CENPC: variants seen among roughly 807,000 people sequenced by gnomAD.
CENPC encodes the protein centromere protein C, also known as CENP-C 1.
A neutral mutation model predicts 112.1 loss-of-function variants in CENPC; 63 were observed. The observed-to-expected ratio is 0.56, with a 90% CI of 0.46 to 0.69. The LOEUF (loss-of-function observed/expected upper bound fraction) is 0.69, where lower values mean the gene tolerates loss of function less well. Ranked by LOEUF, CENPC falls within the 30% of genes least tolerant of loss-of-function variation. The probability of loss-of-function intolerance (pLI) is 0.00; values close to 1 mark genes in which losing one functional copy is unlikely to be tolerated. For synonymous variants in CENPC, 333 were observed against 367.6 expected, an observed-to-expected ratio of 0.91 and a Z score of 1.08; for missense variants, 1,000 against 1,103.8, an observed-to-expected ratio of 0.91 and a Z score of 1.33.
At chr4:67,528,034 A>T (rs1401508735) in intron 5 of CENPC, among the ~76,000 whole-genome samples, 2 of 152,162 alleles carry the variant, frequency 1.3e-5, no homozygotes, top group South Asian at 4.1e-4. Context: ...ATCAGATTAA[A>T]CATAACAAAT....
chr4:67,499,632 G>A (rs943831164), intron 12 of CENPC, among the ~76,000 whole-genome samples: 3 of 152,168 alleles, frequency 2.0e-5, no homozygotes, highest in Non-Finnish European at 4.4e-5. Context: ...CCAGACCACT[G>A]AAACCTCTAT....
intron 13 of CENPC, among the ~76,000 whole-genome samples, chr4:67,494,760 T>C (rs1402100319): frequency 6.6e-6 from 1 of 152,208 alleles, no homozygotes. Flanking sequence ...CCACAGTTCT[T>C]AGCTTTGTCT....
chr4:67,490,030 A>G lies in CENPC; in HGVS notation c.2607T>C (p.Thr869=). ...YKTLDTPFFS[T]GKLILGPQEE... ...CTTGTGGTCCTAATATCAATTTCCCAGTAGAAAAAAAGGGTGTATCCAATG... is the reference window on the plus strand; with the variant it reads ...CTTGTGGTCCTAATATCAATTTCCCGGTAGAAAAAAAGGGTGTATCCAATG... The change falls in exon 17 of 19, where the codon ACT becomes ACC. Residue 869 remains threonine (T), a synonymous_variant. Transcript: ENST00000273853. 6 of 1,606,122 alleles carry G rather than the reference A, an allele frequency of 3.7e-6. No homozygotes were observed. Among genetic ancestry groups the G allele is most frequent in the Non-Finnish European group, 4.3e-6 (5 of 1,176,068 alleles).
Position 67,505,210 on chromosome 4 carries a change from C to T in CENPC, c.2126G>A (p.Ser709Asn), listed in dbSNP as rs778586358. ...GAAAAAAAACAATAGTTTACCTGAACTTCCATGAACTTCCTCATCATCCAC... is the reference window on the plus strand; with the variant it reads ...GAAAAAAAACAATAGTTTACCTGAATTTCCATGAACTTCCTCATCATCCAC... Reference protein sequence around the residue: ...NDVDDEEVHGSSDDSKQSKVI... With the variant: ...NDVDDEEVHGNSDDSKQSKVI... Residue 709 changes from serine to asparagine, a missense_variant, in exon 12 of 19, where the codon AGT becomes AAT. Transcript: ENST00000273853. 3.2e-6 allele frequency: 5 copies of T among 1,570,924 alleles called. No homozygotes were observed. Among genetic ancestry groups the T allele is most frequent in the Admixed American group, 1.9e-5 (1 of 53,870 alleles).
chr4:67,528,361 G>A (rs1378907227), intron 5 of CENPC, among the ~76,000 whole-genome samples: 3 of 152,068 alleles, frequency 2.0e-5, no homozygotes, highest in African/African-American at 4.8e-5. Flanking sequence ...CCATTTATGA[G>A]TGTACAATTT....
intron 18 of CENPC, among the ~76,000 whole-genome samples, chr4:67,473,950 C>T (rs1455820872): frequency 2.0e-5 from 3 of 152,160 alleles, no homozygotes; most frequent in African/African-American, 7.2e-5. Context: ...ATGAAGCATA[C>T]CATTCTTGAA....
chr4:67,536,144 A>T (rs1309018012), intron 4 of CENPC, among the ~76,000 whole-genome samples: 2 of 152,210 alleles, frequency 1.3e-5, no homozygotes, highest in Non-Finnish European at 2.9e-5. Context: ...CAGATAATTT[A>T]AAAAGGTGAA....
chr4:67,491,993 T>G (rs1283114057), intron 16 of CENPC, among the ~76,000 whole-genome samples, 187 bp downstream of exon 16: 2 of 152,196 alleles, frequency 1.3e-5, no homozygotes, highest in Non-Finnish European at 2.9e-5. Context: ...CCCCTGGAGC[T>G]GTCTGATATC....
chr4:67,490,841 T>A (rs867731758), intron 16 of CENPC, among the ~76,000 whole-genome samples: 150 of 5,930 alleles, frequency 0.025, no homozygotes, highest in East Asian at 0.089. Context: ...GAAATAAATA[T>A]ATATATATAT....
rs34160703 is a variant in CENPC, at chr4:67,508,513, T to TAAAAAA, written c.1904+295_1904+300dup. 7.8e-4 allele frequency among the ~76,000 whole-genome samples: 71 copies of TAAAAAA among 91,146 alleles called. 3 individuals carry two copies. The highest frequency in any genetic ancestry group is 2.6e-3 in the African/African-American group (61 of 23,192). 59.8% of individuals were successfully genotyped at this position (91,146 alleles called of 152,430 possible). ...GGAAACAGAGGAAGACTCTGTCTCT[T>TAAAAAA]AAAAAAAAAAAAAAAAAAAAAAAGT... On this transcript the variant is annotated intron_variant, in intron 10 of 18. Coordinates refer to ENST00000273853, the MANE Select transcript of CENPC (RefSeq NM_001812.4).
At chr4:67,479,695 C>G (rs1408610933) in intron 17 of CENPC, among the ~76,000 whole-genome samples, 2 of 152,040 alleles carry the variant, frequency 1.3e-5, no homozygotes, top group Non-Finnish European at 2.9e-5. Context: ...AAACCTAAAC[C>G]CAGCAGATGA....
intron 5 of CENPC, among the ~76,000 whole-genome samples, chr4:67,529,250 T>C (rs1233100302): frequency 1.3e-5 from 2 of 152,244 alleles, no homozygotes; most frequent in African/African-American, 4.8e-5. Flanking sequence ...CCTTTTCAGG[T>C]AAATTATTTG....
In CENPC at chr4:67,495,192, C is replaced by T; in HGVS notation, c.2152G>A (p.Val718Met). 6.5e-7 allele frequency: 1 copy of T among 1,532,538 alleles called. No homozygotes were observed. Among genetic ancestry groups the T allele is most frequent in the Non-Finnish European group, 8.8e-7 (1 of 1,140,854 alleles). 94.9% of individuals were successfully genotyped at this position (1,532,538 alleles called of 1,614,324 possible). ...TGATGGATTCTGTTCTTTGGTATCA[C>T]TTTAGATTGTTTTGAGTCATCTACA... is the stretch of plus-strand genomic sequence containing the variant. ...GSSDDSKQSK[V>M]IPKNRIHHKL... The change falls in exon 13 of 19, where the codon GTG becomes ATG. Residue 718 changes from valine (V) to methionine (M), a missense_variant. Physicochemically the swap from Val to Met is conservative, Grantham distance 21 (BLOSUM62 1). Coordinates refer to ENST00000273853, the MANE Select transcript of CENPC (RefSeq NM_001812.4).
intron 9 of CENPC, chr4:67,510,602 C>T (rs557316847): frequency 2.1e-4 from 37 of 178,872 alleles, no homozygotes; most frequent in Admixed American, 4.7e-4. Context: ...TGATACAATC[C>T]TGTGACTGAC....
rs1259624292 is a variant in CENPC, at chr4:67,512,542, TCTTTTCTAGTGCTA to T, written c.1458_1471del (p.Ser486ArgfsTer2). ...GCGCTTCTTTTTAGATTCTTCCTTA[TCTTTTCTAGTGCTA>T]CTTTTCTTGCTTCCTAAAATAAAGA... On this transcript the variant is annotated frameshift_variant, in exon 9 of 19. Transcript: ENST00000273853. LOFTEE classifies it high-confidence loss of function. The T allele has an allele frequency of 6.4e-7, 1 of 1,554,044 alleles. No homozygotes were observed. Among genetic ancestry groups the T allele is most frequent in the Admixed American group, 2.1e-5 (1 of 47,154 alleles).
chr4:67,518,356 A>T lies in CENPC; in HGVS notation c.630T>A (p.Asp210Glu), dbSNP rs1318015868. Reference sequence around the variant, plus strand: ...CTATTTTCTTTAACATAACTTTATCATCAAAGTTTAACCTAAAAGGTTAAA... The same window carrying T: ...CTATTTTCTTTAACATAACTTTATCTTCAAAGTTTAACCTAAAAGGTTAAA... The part of the protein sequence containing the change: ...SVKTKKRLNF[D>E]DKVMLKKIEI... The change falls in exon 7 of 19, where the codon GAT (aspartate) becomes GAA (glutamate). Residue 210 changes from aspartate to glutamate, a missense_variant. Asp to Glu is a conservative substitution (Grantham distance 45, BLOSUM62 2). Coordinates refer to ENST00000273853, the MANE Select transcript of CENPC (RefSeq NM_001812.4). The T allele has an allele frequency of 6.6e-7, 1 of 1,526,036 alleles. No individual in the cohort carries two copies. Among genetic ancestry groups the T allele is most frequent in the Non-Finnish European group, 8.8e-7 (1 of 1,140,562 alleles). The allele number at this position is 1,526,036 out of a possible 1,614,324, so 94.5% of individuals were successfully genotyped here. A position where few individuals can be genotyped will look rare whatever the true frequency, so the allele number is the denominator to read the frequency against.
At chr4:67,503,292 T>C (rs1725643196) in intron 12 of CENPC, among the ~76,000 whole-genome samples, 1 of 152,094 alleles carries the variant, frequency 6.6e-6, no homozygotes, top group Non-Finnish European at 1.5e-5. Flanking sequence ...CCCTTCATCT[T>C]CCCTCTACCT....
At chr4:67,473,932 G>A (rs375258742) in intron 18 of CENPC, among the ~76,000 whole-genome samples, 2 of 152,168 alleles carry the variant, frequency 1.3e-5, no homozygotes, top group East Asian at 3.8e-4. Flanking sequence ...TCTGCTGTTC[G>A]ATAGCTGATG....
chr4:67,541,978 A>G (rs1031667850), intron 2 of CENPC, among the ~76,000 whole-genome samples: 1 of 152,208 alleles, frequency 6.6e-6, no homozygotes, highest in Non-Finnish European at 1.5e-5. Flanking sequence ...TTTTTCACTC[A>G]ACACAATTCT....
Sources: allele counts gnomAD v4.1 joint callset (sites outside exome capture counted in the v4.1 genomes callset), GRCh38; gene constraint gnomAD v4.1.1; transcripts MANE v1.5; gene names NCBI Gene and HGNC (gene_info 2026-07-23, HGNC 2026-07-21).